NFASC: variants seen among roughly 807,000 people sequenced by gnomAD.
The protein encoded by NFASC is neurofascin homolog.
In NFASC, 43 loss-of-function variants were observed where a neutral mutation model predicts 147.5. The ratio of observed to expected loss-of-function variants is 0.29; its 90% confidence interval spans 0.23 to 0.38. NFASC has a LOEUF of 0.38. NFASC is among the 10% of genes least tolerant of loss of function. The pLI is 1.00. For missense variants in NFASC, 1,320 were observed against 1,689.0 expected (o/e 0.78, Z 3.83); for synonymous variants, 622 against 665.5 (o/e 0.93, Z 1.01).
intron 1 of NFASC, among the ~76,000 whole-genome samples, chr1:204,880,302 A>T (rs967185686): frequency 6.6e-6 from 1 of 152,192 alleles, no homozygotes; most frequent in Non-Finnish European, 1.5e-5. Context: ...AAAGAAGTGT[A>T]GCAATTGGCA....
intron 1 of NFASC, among the ~76,000 whole-genome samples, chr1:204,852,534 A>G (rs972838209): frequency 6.6e-6 from 1 of 152,196 alleles, no homozygotes; most frequent in African/African-American, 2.4e-5. Context: ...AAGTGGAGTG[A>G]GAATCCTTGT....
rs541249297 is a variant in NFASC, at chr1:204,842,424, C to T, written c.-200+13642C>T. ...GTTCTCTGCTAAGTCCCCGCTTTTA[C>T]ATTGTTGCTTTCTCCTCCTTTTTTC... is the stretch of plus-strand genomic sequence containing the variant. On this transcript the variant is annotated intron_variant, in intron 1 of 29. Transcript: ENST00000339876. Among the ~76,000 whole-genome samples the T allele has an allele frequency of 5.9e-5, 9 of 152,338 alleles. No homozygotes were observed. The South Asian group carries it at 1.2e-3, about 21-fold the overall frequency.
intron 2 of NFASC, among the ~76,000 whole-genome samples, chr1:204,938,231 A>T (rs1298700252): frequency 6.6e-6 from 1 of 152,232 alleles, no homozygotes; most frequent in Non-Finnish European, 1.5e-5. Flanking sequence ...AAGAAAAGGA[A>T]AAACAGAAAA....
At chr1:204,960,296 C>G (rs2094604314) in intron 8 of NFASC, among the ~76,000 whole-genome samples, 1 of 152,198 alleles carries the variant, frequency 6.6e-6, no homozygotes, top group African/African-American at 2.4e-5. Context: ...ATGCAAAATA[C>G]TGGGTAATCT....
rs1036026652 is a variant in NFASC at position 204,988,688 on chromosome 1, C to G, written c.2649C>G (p.Thr883=). ...TGGAAAACTTCTCTCCCAATCAGAC[C>G]AAGTTCACGGTGCAAAGAACGGACC... The part of the protein sequence containing the change: ...QIVENFSPNQ[T]KFTVQRTDPV... The change falls in exon 23 of 30, where the codon ACC becomes ACG. Residue 883 remains threonine (T), a synonymous_variant. Coordinates refer to ENST00000339876, the MANE Select transcript of NFASC (RefSeq NM_001005388.3). 6.8e-6 allele frequency: 11 copies of G among 1,614,068 alleles called. No homozygotes were observed. In the African/African-American group the frequency reaches 1.5e-4, roughly 22 times the overall value.
At chr1:204,851,837 A>C (rs2075722589) in intron 1 of NFASC, among the ~76,000 whole-genome samples, 3 of 152,224 alleles carry the variant, frequency 2.0e-5, no homozygotes. Context: ...CATTAACCAA[A>C]TATTCTAAAA....
chr1:204,830,760 C>A (rs912877559), intron 1 of NFASC, among the ~76,000 whole-genome samples: 2 of 152,310 alleles, frequency 1.3e-5, no homozygotes, highest in Admixed American at 1.3e-4. Flanking sequence ...AATGGCAGCC[C>A]GATTCCTGTC....
chr1:204,887,028 G>A (rs1226282831), intron 1 of NFASC, among the ~76,000 whole-genome samples: 1 of 151,906 alleles, frequency 6.6e-6, no homozygotes, highest in East Asian at 1.9e-4. Flanking sequence ...AATCATTTCA[G>A]TTGTATGGTT....
rs1182097409 is a variant in NFASC, at chr1:205,010,763, T to G, written c.3421+1075T>G. ...CCAAAAATACAAAAAATTAGCTGGG[T>G]GTTTTGGCACGTGCCTATAATCCCA... On this transcript the variant is annotated intron_variant, in intron 28 of 29. Coordinates refer to ENST00000339876, the MANE Select transcript of NFASC (RefSeq NM_001005388.3). This position sits in a 1 kb window ranked among gnomAD's most constrained non-coding sequence, Gnocchi z 4.1. The G allele has an allele frequency of 6.6e-6, 1 of 151,698 alleles. No individual in the cohort carries two copies. Among genetic ancestry groups the G allele is most frequent in the African/African-American group, 2.4e-5 (1 of 41,244 alleles). 9.4% of individuals were successfully genotyped at this position (151,698 alleles called of 1,614,324 possible). A position where few individuals can be genotyped will look rare whatever the true frequency, so the allele number is the denominator to read the frequency against.
chr1:204,850,539 G>A (rs1323738671), intron 1 of NFASC, among the ~76,000 whole-genome samples: 1 of 152,212 alleles, frequency 6.6e-6, no homozygotes, highest in Non-Finnish European at 1.5e-5. Flanking sequence ...GGTGGGAGGT[G>A]ATTGAATCAT....
intron 10 of NFASC, 43 bp downstream of exon 10, chr1:204,969,025 T>C: frequency 1.9e-6 from 3 of 1,552,466 alleles, no homozygotes; most frequent in Non-Finnish European, 2.6e-6. Context: ...TTGCCAACCC[T>C]GAACACCATG....
At chr1:204,839,176 T>A (rs1030685932) in intron 1 of NFASC, among the ~76,000 whole-genome samples, 8 of 152,212 alleles carry the variant, frequency 5.3e-5, no homozygotes, top group Non-Finnish European at 1.0e-4. Flanking sequence ...AAGGCCTACT[T>A]GTGAGTCACT....
intron 21 of NFASC, among the ~76,000 whole-genome samples, chr1:204,984,835 G>A (rs946152835): frequency 3.3e-5 from 5 of 152,120 alleles, no homozygotes; most frequent in South Asian, 2.1e-4. Flanking sequence ...TATACACGGC[G>A]CTCCCTTCTG....
At position 204,991,326 on chromosome 1, in the gene NFASC, G is replaced by A; in HGVS notation, c.2782+20G>A. 1 of 1,611,360 alleles carries A rather than the reference G, an allele frequency of 6.2e-7. No individual in the cohort carries two copies. Among genetic ancestry groups the A allele is most frequent in the African/African-American group, 1.3e-5 (1 of 75,044 alleles). On this transcript the variant is annotated intron_variant, in intron 24 of 29. Coordinates refer to ENST00000339876, the MANE Select transcript of NFASC (RefSeq NM_001005388.3). ...CCGCAGGTACCGTACCAGCCGCGGA[G>A]GTAATGGGCATGGCATGGGGCAGCG...
intron 4 of NFASC, 71 bp downstream of exon 4, chr1:204,950,645 G>C: frequency 7.0e-7 from 1 of 1,420,436 alleles, no homozygotes; most frequent in East Asian, 2.3e-5. Flanking sequence ...GGTGATACCT[G>C]GGGATTAGTG....
chr1:204,830,463 A>G (rs1240065740), intron 1 of NFASC, among the ~76,000 whole-genome samples: 2 of 152,140 alleles, frequency 1.3e-5, no homozygotes, highest in East Asian at 3.9e-4. Context: ...GGAAGAATTG[A>G]AGGAGATGGG....
At chr1:204,892,327 C>G (rs1054233984) in intron 1 of NFASC, among the ~76,000 whole-genome samples, 2 of 152,210 alleles carry the variant, frequency 1.3e-5, no homozygotes, top group African/African-American at 4.8e-5. Context: ...GCATAACAAG[C>G]CACCCCAAAA....
In NFASC at chr1:204,980,161, A is replaced by G. The variant is rs112466258; in HGVS notation, c.2177-209A>G. On this transcript the variant is annotated intron_variant, in intron 19 of 29. Coordinates refer to ENST00000339876, the MANE Select transcript of NFASC (RefSeq NM_001005388.3). Reference sequence around the variant, plus strand: ...GGTAAAGGATTAAAATTCAGAAGAAATTAGCCCTGCTCTGGGAGTTTAAAT... The same window carrying G: ...GGTAAAGGATTAAAATTCAGAAGAAGTTAGCCCTGCTCTGGGAGTTTAAAT... 9.1e-4 allele frequency among the ~76,000 whole-genome samples: 138 copies of G among 152,362 alleles called. 1 individual carries two copies. The highest frequency in any genetic ancestry group is 3.0e-3 in the African/African-American group (126 of 41,584).
chr1:204,973,730 C>G (rs2095325835), intron 12 of NFASC, among the ~76,000 whole-genome samples: 1 of 152,172 alleles, frequency 6.6e-6, no homozygotes, highest in African/African-American at 2.4e-5. Flanking sequence ...TTAGTCTTCT[C>G]CCTCCCCTGA....
Sources: allele counts gnomAD v4.1 joint callset (sites outside exome capture counted in the v4.1 genomes callset), GRCh38; gene constraint gnomAD v4.1.1; non-coding constraint Gnocchi (gnomAD v3.1); transcripts MANE v1.5; gene names NCBI Gene and HGNC (gene_info 2026-07-23, HGNC 2026-07-21).